FARS2: variants seen among roughly 807,000 people sequenced by gnomAD.
FARS2 encodes the protein phenylalanine--tRNA ligase, mitochondrial.
FARS2 carries 40 observed loss-of-function variants against 46.4 expected under a neutral mutation model. The ratio of observed to expected loss-of-function variants is 0.86; its 90% CI spans 0.67 to 1.12. The LOEUF (loss-of-function observed/expected upper bound fraction) is 1.12. FARS2 is among the 50% of genes most tolerant of loss of function. FARS2 has a pLI of 0.00. For missense variants in FARS2, 513 were observed against 567.9 expected, an observed-to-expected ratio of 0.90 and a Z score of 0.98; for synonymous variants, 234 against 214.9, an observed-to-expected ratio of 1.09 and a Z score of -0.78.
chr6:5,658,420 T>C (rs545067019), intron 6 of FARS2, among the ~76,000 whole-genome samples: 1 of 152,274 alleles, frequency 6.6e-6, no homozygotes, highest in Non-Finnish European at 1.5e-5. Context: ...GTAACTAAAC[T>C]CCAAAAACAT....
chr6:5,516,437 T>A (rs1471196450), intron 4 of FARS2, among the ~76,000 whole-genome samples: 1 of 152,234 alleles, frequency 6.6e-6, no homozygotes, highest in Admixed American at 6.5e-5. Context: ...TGGATTTTAA[T>A]TATACATTTT....
chr6:5,250,118 C>T, the FARS2 span, among the ~76,000 whole-genome samples: 1 of 152,128 alleles, frequency 6.6e-6, no homozygotes, highest in Non-Finnish European at 1.5e-5. Context: ...CTTTACTCCT[C>T]ATTTTCTTAT....
intron 1 of FARS2, among the ~76,000 whole-genome samples, chr6:5,276,027 G>A (rs1327233987): frequency 3.3e-5 from 5 of 152,114 alleles, no homozygotes; most frequent in African/African-American, 1.2e-4. Context: ...TTTTAGCTCT[G>A]TTACTAGTCA....
rs537556409 is a variant in FARS2, at chr6:5,500,170, T to C, written c.905-45010T>C. 1.1e-3 allele frequency among the ~76,000 whole-genome samples: 173 copies of C among 152,310 alleles called. 2 individuals carry two copies. In the Middle Eastern group the frequency reaches 0.031, roughly 27 times the overall value. Reference sequence around the variant, plus strand: ...CTGATCCTGTTCTCTATTATTTCATTGTGCTGCCTCCCTCTCGCCCTCCCT... The same window carrying C: ...CTGATCCTGTTCTCTATTATTTCATCGTGCTGCCTCCCTCTCGCCCTCCCT... On this transcript the variant is annotated intron_variant, in intron 4 of 6. Coordinates refer to ENST00000274680, the MANE Select transcript of FARS2 (RefSeq NM_006567.5).
intron 4 of FARS2, among the ~76,000 whole-genome samples, chr6:5,541,762 G>T (rs1467187823): frequency 1.3e-5 from 2 of 152,128 alleles, no homozygotes; most frequent in Non-Finnish European, 2.9e-5. Context: ...AGAAAGTAAA[G>T]AAACAAAAGA....
chr6:5,687,226 G>T (rs921450766), intron 6 of FARS2, among the ~76,000 whole-genome samples: 18 of 152,268 alleles, frequency 1.2e-4, no homozygotes, highest in African/African-American at 4.3e-4. Context: ...GTCAATTTTG[G>T]CTTTTGTTGC....
At chr6:5,565,766 C>T (rs1489737051) in intron 5 of FARS2, among the ~76,000 whole-genome samples, 2 of 152,136 alleles carry the variant, frequency 1.3e-5, no homozygotes, top group East Asian at 1.9e-4. Context: ...TTTCAGGGGC[C>T]TTCTGAACTA....
intron 4 of FARS2, among the ~76,000 whole-genome samples, chr6:5,487,987 G>A (rs902109636): frequency 6.6e-6 from 1 of 152,136 alleles, no homozygotes; most frequent in African/African-American, 2.4e-5. Flanking sequence ...GCTTATTCTG[G>A]AGAATATTCT....
intron 3 of FARS2, among the ~76,000 whole-genome samples, chr6:5,421,277 G>A (rs1762532599): frequency 6.6e-6 from 1 of 152,162 alleles, no homozygotes; most frequent in Non-Finnish European, 1.5e-5. Flanking sequence ...GGGACACAGG[G>A]CACCAAGTCC....
chr6:5,666,484 A>T (rs1444102314), intron 6 of FARS2, among the ~76,000 whole-genome samples: 1 of 152,212 alleles, frequency 6.6e-6, no homozygotes, highest in East Asian at 1.9e-4. Context: ...GAAACCTTCC[A>T]GTTGCAAGGA....
At chr6:5,408,233 G>A (rs1356055667) in intron 3 of FARS2, among the ~76,000 whole-genome samples, 1 of 152,154 alleles carries the variant, frequency 6.6e-6, no homozygotes, top group Non-Finnish European at 1.5e-5. Flanking sequence ...CAGGCAAGGC[G>A]CCTCCTCCTG....
chr6:5,399,765 A>T (rs1379256148), intron 2 of FARS2, among the ~76,000 whole-genome samples: 2 of 152,088 alleles, frequency 1.3e-5, no homozygotes, highest in Non-Finnish European at 2.9e-5. Flanking sequence ...ATTTATCAGG[A>T]TGTCTTGAAA....
chr6:5,522,793 T>G (rs1160504165), intron 4 of FARS2, among the ~76,000 whole-genome samples: 1 of 152,268 alleles, frequency 6.6e-6, no homozygotes, highest in Non-Finnish European at 1.5e-5. Context: ...TTGGACCTAT[T>G]TAACCCACAT....
At chr6:5,609,479 A>G (rs1361143488) in intron 5 of FARS2, 28 of 1,220,600 alleles carry the variant, frequency 2.3e-5, no homozygotes, top group Admixed American at 8.4e-5. Context: ...CCCTGCCACC[A>G]TATCCACCAC....
Position 5,536,078 on chromosome 6 carries a change from G to A in FARS2, c.905-9102G>A, listed in dbSNP as rs1770175847. 2.1e-5 allele frequency among the ~76,000 whole-genome samples: 3 copies of A among 142,422 alleles called. No homozygotes were observed. In the South Asian group the frequency reaches 6.6e-4, roughly 31 times the overall value. 93.4% of individuals were successfully genotyped at this position (142,422 alleles called of 152,430 possible). A position where few individuals can be genotyped will look rare whatever the true frequency, so the allele number is the denominator to read the frequency against. ...TTTTTTTTTTTTTTTTTGAGACGGA[G>A]TCTCACTCTGTCGCCCAGGCTGGAG... On this transcript the variant is annotated intron_variant, in intron 4 of 6. Transcript: ENST00000274680.
intron 6 of FARS2, among the ~76,000 whole-genome samples, chr6:5,739,763 G>T (rs1761203875): frequency 6.6e-6 from 1 of 152,192 alleles, no homozygotes; most frequent in African/African-American, 2.4e-5. Context: ...CAGAACGGTA[G>T]GTCAGGCAGG....
intron 4 of FARS2, among the ~76,000 whole-genome samples, chr6:5,469,912 G>A (rs964461580): frequency 4.6e-5 from 7 of 152,170 alleles, no homozygotes; most frequent in Admixed American, 1.3e-4. Context: ...CCTTACACAA[G>A]ATACTTACCT....
the FARS2 span, among the ~76,000 whole-genome samples, chr6:5,254,053 A>C: frequency 1.3e-5 from 2 of 152,214 alleles, no homozygotes; most frequent in South Asian, 4.1e-4. Flanking sequence ...TGTCTGCTCC[A>C]CTAGAGCTTC....
intron 3 of FARS2, among the ~76,000 whole-genome samples, chr6:5,421,671 C>T (rs990247236): frequency 5.9e-5 from 9 of 152,196 alleles, no homozygotes; most frequent in African/African-American, 2.2e-4. Flanking sequence ...CAAAGTTCCA[C>T]AAATCTCTAA....
Sources: allele counts gnomAD v4.1 joint callset (sites outside exome capture counted in the v4.1 genomes callset), GRCh38; gene constraint gnomAD v4.1.1; transcripts MANE v1.5; gene names NCBI Gene and HGNC (gene_info 2026-07-23, HGNC 2026-07-21).